Variants in MNS1 observed in about 807,000 individuals in gnomAD.
MNS1 encodes the protein meiosis-specific nuclear structural protein 1.
Under a neutral mutation model 72.0 loss-of-function variants are expected in MNS1, and 63 were observed. The ratio of observed to expected loss-of-function variants is 0.87; its 90% CI spans 0.71 to 1.08. The LOEUF (loss-of-function observed/expected upper bound fraction) is 1.08, where lower values mean the gene tolerates loss of function less well. Among genes scored for constraint, MNS1 ranks in the 50% least tolerant of loss-of-function variants. MNS1 has a pLI of 0.00. For missense variants in MNS1, 604 were observed against 562.4 expected, an observed-to-expected ratio of 1.07 and a Z score of -0.75; for synonymous variants, 188 against 172.1, an observed-to-expected ratio of 1.09 and a Z score of -0.72.
At chr15:56,461,966 T>TTTGTTGTTG (rs796965481) in intron 2 of MNS1, among the ~76,000 whole-genome samples, 77 of 78,254 alleles carry the variant, frequency 9.8e-4, no homozygotes, top group East Asian at 9.2e-3. Context: ...AAAGTGTTTT[T>TTTGTTGTTG]TTGTTGTTGT....
chr15:56,462,696 G>A (rs1381845610), intron 2 of MNS1, among the ~76,000 whole-genome samples: 2 of 152,174 alleles, frequency 1.3e-5, no homozygotes, highest in African/African-American at 2.4e-5. Context: ...CAAATACACC[G>A]TATGAATGTT....
intron 3 of MNS1, among the ~76,000 whole-genome samples, chr15:56,448,656 T>C (rs2050925324): frequency 6.6e-6 from 1 of 152,198 alleles, no homozygotes; most frequent in Non-Finnish European, 1.5e-5. Flanking sequence ...CTGGATTAAT[T>C]CCATGTCTTT....
chr15:56,458,621 C>T (rs1032129870), intron 2 of MNS1, among the ~76,000 whole-genome samples: 12 of 152,070 alleles, frequency 7.9e-5, no homozygotes, highest in African/African-American at 2.7e-4. Context: ...ACCCTTCCTC[C>T]CTAAAATCCT....
At position 56,464,181 on chromosome 15, in the gene MNS1, T is replaced by C; in HGVS notation, c.70A>G (p.Lys24Glu). 1.2e-6 allele frequency: 2 copies of C among 1,614,096 alleles called. No individual in the cohort carries two copies. Among genetic ancestry groups the C allele is most frequent in the Non-Finnish European group, 1.7e-6 (2 of 1,180,018 alleles). ...HQKLVDENYCKKLHVQALKNV... is the reference protein window; with the variant it reads ...HQKLVDENYCEKLHVQALKNV... ...TTTAGAGCTTGGACATGTAATTTTTTGCAGTAGTTTTCATCTACTAATTTC... is the reference window on the plus strand; with the variant it reads ...TTTAGAGCTTGGACATGTAATTTTTCGCAGTAGTTTTCATCTACTAATTTC... Residue 24 changes from lysine (K) to glutamate (E), a missense_variant, in exon 2 of 10, where the codon AAA (lysine) becomes GAA (glutamate). Physicochemically the swap from Lys to Glu is moderately conservative, Grantham distance 56. Coordinates refer to ENST00000260453, the MANE Select transcript of MNS1 (RefSeq NM_018365.4).
At position 56,465,055 on chromosome 15, in the gene MNS1, A is replaced by G; in HGVS notation, c.-83T>C. On this transcript the variant is annotated 5_prime_UTR_variant, in exon 1 of 10. Transcript: ENST00000260453. ...AACGCAGCAGCCAGCAGCCCCAAGG[A>G]GCGCACCTGGCTGCGCGCGCTCGGG... 1 of 1,564,278 alleles carries G rather than the reference A, an allele frequency of 6.4e-7. No homozygotes were observed. The highest frequency in any genetic ancestry group is 8.7e-7 in the Non-Finnish European group (1 of 1,155,908).
chr15:56,454,389 A>C (rs1354054740), intron 3 of MNS1, among the ~76,000 whole-genome samples: 5 of 151,876 alleles, frequency 3.3e-5, no homozygotes, highest in African/African-American at 4.8e-5. Context: ...TTAAATGTCC[A>C]GTGAAATTAT....
At chr15:56,432,694 A>G (rs757786521) in intron 8 of MNS1, among the ~76,000 whole-genome samples, 1 of 152,186 alleles carries the variant, frequency 6.6e-6, no homozygotes, top group Non-Finnish European at 1.5e-5. Flanking sequence ...TTGTCTTGCT[A>G]ACTTTTCCAG....
At chr15:56,457,394 C>T (rs1273312060) in intron 2 of MNS1, among the ~76,000 whole-genome samples, 1 of 152,168 alleles carries the variant, frequency 6.6e-6, no homozygotes, top group Non-Finnish European at 1.5e-5. Context: ...GATATTACTA[C>T]GTACCTATTG....
chr15:56,455,377 G>A (rs1053502795), intron 3 of MNS1, among the ~76,000 whole-genome samples: 2 of 151,806 alleles, frequency 1.3e-5, no homozygotes, highest in Non-Finnish European at 2.9e-5. Context: ...TCTAAGGATC[G>A]GTAATCTCTT....
chr15:56,439,570 A>G (rs1321321203), intron 7 of MNS1, among the ~76,000 whole-genome samples: 1 of 152,158 alleles, frequency 6.6e-6, no homozygotes, highest in Admixed American at 6.6e-5. Context: ...CCATACAAAC[A>G]TGCCAACTGT....
rs2051049777 is a variant in MNS1, at chr15:56,464,998, T to C, written c.-26A>G. 9.3e-6 allele frequency: 15 copies of C among 1,607,654 alleles called. No individual in the cohort carries two copies. In the East Asian group the frequency reaches 3.4e-4, roughly 36 times the overall value. On this transcript the variant is annotated 5_prime_UTR_variant, in exon 1 of 10. Coordinates refer to ENST00000260453, the MANE Select transcript of MNS1 (RefSeq NM_018365.4). ...CTTGGCTGACGAAAAATACCCCCTCTCGTGGGACCGCGGCCACCACCTCCC... is the reference window on the plus strand; with the variant it reads ...CTTGGCTGACGAAAAATACCCCCTCCCGTGGGACCGCGGCCACCACCTCCC...
intron 2 of MNS1, among the ~76,000 whole-genome samples, chr15:56,459,119 C>T (rs1432905870): frequency 2.6e-5 from 4 of 152,204 alleles, no homozygotes; most frequent in African/African-American, 9.6e-5. Context: ...ATTCCTCTCA[C>T]CTTTTCCCCC....
chr15:56,461,656 G>C (rs1427394412), intron 2 of MNS1, among the ~76,000 whole-genome samples: 1 of 79,038 alleles, frequency 1.3e-5, no homozygotes, highest in African/African-American at 5.2e-5. Context: ...TGAAGACTCT[G>C]TCTCAAAAAA....
At chr15:56,442,187 T>C (rs1343273502) in intron 7 of MNS1, among the ~76,000 whole-genome samples, 2 of 152,038 alleles carry the variant, frequency 1.3e-5, no homozygotes, top group Non-Finnish European at 2.9e-5. Context: ...AATGAGATAC[T>C]ATCTCACATC....
intron 7 of MNS1, among the ~76,000 whole-genome samples, chr15:56,436,791 C>T (rs190527389): frequency 1.1e-4 from 16 of 151,512 alleles, no homozygotes; most frequent in African/African-American, 3.4e-4. Flanking sequence ...ACAGATCCAA[C>T]GGAAATACTA....
In MNS1 at chr15:56,444,461, G is replaced by C. The variant is rs1383414696; in HGVS notation, c.669C>G (p.Ile223Met). 6 of 1,606,562 alleles carry C rather than the reference G, an allele frequency of 3.7e-6. No individual in the cohort carries two copies. Among genetic ancestry groups the C allele is most frequent in the African/African-American group, 2.7e-5 (2 of 74,352 alleles). ...KLMIDEIVRK[I>M]YEEDQLEKQQ... ...AAACTTACAACTGATCTTCTTCATA[G>C]ATCTTCCTAACAATTTCATCAATCA... Residue 223 changes from isoleucine (I) to methionine (M), a missense_variant, in exon 5 of 10, where the codon ATC (isoleucine) becomes ATG (methionine). Transcript: ENST00000260453.
chr15:56,461,969 G>T (rs375315164), intron 2 of MNS1, among the ~76,000 whole-genome samples: 5,462 of 18,946 alleles, frequency 0.29, 288 homozygotes, highest in East Asian at 0.4. Context: ...GTGTTTTTTT[G>T]TTGTTGTTTT....
intron 4 of MNS1, 29 bp from the exon 5 acceptor site, chr15:56,444,702 G>A (rs756954070): frequency 5.4e-5 from 85 of 1,565,808 alleles, no homozygotes; most frequent in Admixed American, 1.0e-4. Flanking sequence ...TGATCTTTCC[G>A]TTTTCAAATT....
At chr15:56,442,460 T>A (rs2050832607) in intron 7 of MNS1, among the ~76,000 whole-genome samples, 1 of 152,186 alleles carries the variant, frequency 6.6e-6, no homozygotes, top group Admixed American at 6.5e-5. Flanking sequence ...GCAGCACTAT[T>A]CACAATGGCA....
Sources: gnomAD v4.1 joint callset for allele counts (sites outside exome capture counted in the v4.1 genomes callset) on GRCh38, gnomAD v4.1.1 for gene constraint, MANE v1.5 for transcripts, NCBI Gene and HGNC (gene_info 2026-07-23, HGNC 2026-07-21) for gene names.